The following ZWILCH variants were observed in gnomAD, a reference collection of about 807,000 sequenced individuals.
The protein encoded by ZWILCH is zwilch kinetochore protein.
Under a neutral mutation model 79.9 loss-of-function variants are expected in ZWILCH, and 74 were observed. The ratio of observed to expected loss-of-function variants is 0.93; its 90% CI spans 0.77 to 1.12. The LOEUF is 1.12. Among genes scored for constraint, ZWILCH ranks in the 50% most tolerant of loss-of-function variants. The pLI is 0.00. For missense variants in ZWILCH, 694 were observed against 687.5 expected, an observed-to-expected ratio of 1.01 and a Z score of -0.11; for synonymous variants, 241 against 228.2, an observed-to-expected ratio of 1.06 and a Z score of -0.51.
chr15:66,513,183 G>A lies in ZWILCH; in HGVS notation c.106-805G>A, dbSNP rs568205241. 3.3e-5 allele frequency among the ~76,000 whole-genome samples: 5 copies of A among 151,940 alleles called. No individual in the cohort carries two copies. In the South Asian group the frequency reaches 6.3e-4, roughly 19 times the overall value. ...TGACCTCAAGTGATGTATCCGCCTC[G>A]GCCTCCCAAAGTGCTGGGATTACAG... is the stretch of plus-strand genomic sequence containing the variant. On this transcript the variant is annotated intron_variant, in intron 2 of 18. Coordinates refer to ENST00000307897, the MANE Select transcript of ZWILCH (RefSeq NM_017975.5).
chr15:66,525,645 A>G (rs1040486299), intron 8 of ZWILCH, among the ~76,000 whole-genome samples: 4 of 151,976 alleles, frequency 2.6e-5, no homozygotes, highest in African/African-American at 9.7e-5. Context: ...ATTTGGGACC[A>G]TGGTACACAC....
intron 11 of ZWILCH, 30 bp downstream of exon 11, chr15:66,528,987 C>T (rs987839225): frequency 1.3e-6 from 2 of 1,562,214 alleles, no homozygotes; most frequent in Non-Finnish European, 1.8e-6. Flanking sequence ...TAAATTTTTC[C>T]TCTTATTTCT....
At chr15:66,518,284 G>A (rs1198912573) in intron 4 of ZWILCH, among the ~76,000 whole-genome samples, 2 of 135,538 alleles carry the variant, frequency 1.5e-5, no homozygotes, top group Non-Finnish European at 3.2e-5. Flanking sequence ...GAGACCTCTC[G>A]TGTCTTTTTT....
Position 66,518,869 on chromosome 15 carries a change from T to C in ZWILCH, c.321-10T>C. 1.9e-6 allele frequency: 3 copies of C among 1,612,270 alleles called. No homozygotes were observed. The highest frequency in any genetic ancestry group is 2.5e-6 in the Non-Finnish European group (3 of 1,178,422). The stretch of plus-strand genomic sequence containing the variant: ...TCTATCTATAATTTGTCCTTACTCT[T>C]GTTTTAAAGGCAGTTAATTGGACTT... On this transcript the variant is annotated splice_polypyrimidine_tract_variant and intron_variant, in intron 4 of 18. Transcript: ENST00000307897.
intron 17 of ZWILCH, among the ~76,000 whole-genome samples, chr15:66,545,762 A>G (rs962227150): frequency 6.6e-6 from 1 of 152,220 alleles, no homozygotes; most frequent in Non-Finnish European, 1.5e-5. Flanking sequence ...TCTCATTTGT[A>G]AAAGTCATGG....
chr15:66,549,820 AATG>A lies in ZWILCH; in HGVS notation c.*1497_*1499del. ...TATGATTCTGAAAGAATAAAACTTG[AATG>A]GATAAAATGGATAAAATGTTTATCT... On this transcript the variant is annotated 3_prime_UTR_variant, in exon 19 of 19. Coordinates refer to ENST00000307897, the MANE Select transcript of ZWILCH (RefSeq NM_017975.5). The A allele has an allele frequency of 2.6e-6, 1 of 380,622 alleles. No individual in the cohort carries two copies. Among genetic ancestry groups the A allele is most frequent in the South Asian group, 7.2e-5 (1 of 13,964 alleles). 23.6% of individuals were successfully genotyped at this position (380,622 alleles called of 1,614,324 possible). A position where few individuals can be genotyped will look rare whatever the true frequency, so the allele number is the denominator to read the frequency against.
At chr15:66,521,824 T>A (rs1473243244) in intron 7 of ZWILCH, among the ~76,000 whole-genome samples, 1 of 151,714 alleles carries the variant, frequency 6.6e-6, no homozygotes, top group Non-Finnish European at 1.5e-5. Flanking sequence ...AAGGGTGGAG[T>A]TATTGGTAAC....
chr15:66,532,220 G>T, intron 12 of ZWILCH, 27 bp from the exon 13 acceptor site: 4 of 1,527,952 alleles, frequency 2.6e-6, no homozygotes, highest in Middle Eastern at 1.8e-4. Flanking sequence ...TTTATTCATG[G>T]TTTTATAAAA....
rs757986085 is a variant in ZWILCH, at chr15:66,546,703, A to G, written c.*24A>G. On this transcript the variant is annotated splice_region_variant and 3_prime_UTR_variant, in exon 18 of 19. Coordinates refer to ENST00000307897, the MANE Select transcript of ZWILCH (RefSeq NM_017975.5). ...GAAGTGTGCTGATGAAGTCCTCTATAAGGTATTTATGTTCACATTTTAGTC... is the reference window on the plus strand; with the variant it reads ...GAAGTGTGCTGATGAAGTCCTCTATGAGGTATTTATGTTCACATTTTAGTC... 4 of 1,541,312 alleles carry G rather than the reference A, an allele frequency of 2.6e-6. No individual in the cohort carries two copies. Among genetic ancestry groups the G allele is most frequent in the African/African-American group, 2.7e-5 (2 of 73,178 alleles).
At chr15:66,542,983 A>G (rs1204129886) in intron 17 of ZWILCH, among the ~76,000 whole-genome samples, 1 of 152,184 alleles carries the variant, frequency 6.6e-6, no homozygotes, top group Non-Finnish European at 1.5e-5. Flanking sequence ...ATTCTCACAC[A>G]TTTCTGGTTG....
chr15:66,510,107 G>C (rs938515430), intron 2 of ZWILCH, among the ~76,000 whole-genome samples: 6 of 150,378 alleles, frequency 4.0e-5, no homozygotes, highest in Admixed American at 6.6e-5. Flanking sequence ...GAACCTGGGA[G>C]GCAGAGGTTG....
intron 1 of ZWILCH, among the ~76,000 whole-genome samples, chr15:66,505,913 C>G (rs1322200271): frequency 1.3e-5 from 2 of 152,222 alleles, no homozygotes; most frequent in African/African-American, 4.8e-5. Flanking sequence ...TGAAGTACTA[C>G]TACCAAGGGG....
intron 3 of ZWILCH, 125 bp downstream of exon 3, chr15:66,514,208 G>T (rs1351264768): frequency 1.2e-5 from 7 of 591,246 alleles, no homozygotes; most frequent in Non-Finnish European, 3.0e-6. Context: ...TCTTTTAGGA[G>T]TAAGTGTAGT....
intron 4 of ZWILCH, 105 bp downstream of exon 4, chr15:66,515,749 A>G (rs776775695): frequency 1.3e-6 from 1 of 776,300 alleles, no homozygotes; most frequent in Non-Finnish European, 2.3e-6. Flanking sequence ...ATCTTCCTTC[A>G]TCTCCCCCAC....
At chr15:66,531,765 G>A (rs528900041) in intron 12 of ZWILCH, among the ~76,000 whole-genome samples, 2 of 152,086 alleles carry the variant, frequency 1.3e-5, no homozygotes, top group East Asian at 3.9e-4. Flanking sequence ...TCCAGAAATG[G>A]CATTTGAAAA....
At chr15:66,521,352 G>A (rs922568270) in intron 7 of ZWILCH, 147 bp downstream of exon 7, 13 of 854,916 alleles carry the variant, frequency 1.5e-5, no homozygotes, top group South Asian at 6.9e-5. Context: ...TGCCACTAAC[G>A]TCTCACCAGG....
chr15:66,532,381 A>G lies in ZWILCH; in HGVS notation c.1290A>G (p.Lys430=). 6.2e-7 allele frequency: 1 copy of G among 1,607,380 alleles called. No individual in the cohort carries two copies. Among genetic ancestry groups the G allele is most frequent in the Non-Finnish European group, 8.5e-7 (1 of 1,178,028 alleles). ...LLEIGLDKLK[K]DYISFFIGQE... is the part of the protein sequence containing the mutation. ...AAATTGGTTTGGACAAACTAAAGAA[A>G]GATTATATCAGTTTTTTCATAGGTA... Residue 430 remains lysine, a synonymous_variant, in exon 13 of 19, where the codon AAA becomes AAG. Transcript: ENST00000307897.
At chr15:66,539,292 A>G (rs1196926189) in intron 16 of ZWILCH, among the ~76,000 whole-genome samples, 1 of 151,770 alleles carries the variant, frequency 6.6e-6, no homozygotes, top group Non-Finnish European at 1.5e-5. Flanking sequence ...AGTCCCAGCT[A>G]CTAGGGAGGC....
intron 4 of ZWILCH, among the ~76,000 whole-genome samples, chr15:66,516,206 T>C (rs1232227773): frequency 6.6e-6 from 1 of 152,214 alleles, no homozygotes; most frequent in Non-Finnish European, 1.5e-5. Context: ...CATGGGACTC[T>C]CCTGCACAAT....
Sources: gnomAD v4.1 joint callset for allele counts (sites outside exome capture counted in the v4.1 genomes callset) on GRCh38, gnomAD v4.1.1 for gene constraint, MANE v1.5 for transcripts, NCBI Gene and HGNC (gene_info 2026-07-23, HGNC 2026-07-21) for gene names.